Variants in GRK7 observed in about 807,000 individuals in gnomAD.
The protein encoded by GRK7 is rhodopsin kinase GRK7.
GRK7 carries 24 observed loss-of-function variants against 34.1 expected under a neutral mutation model. The ratio of observed to expected loss-of-function variants is 0.70; its 90% CI spans 0.51 to 0.99. The LOEUF (loss-of-function observed/expected upper bound fraction) is 0.99. Among genes scored for constraint, GRK7 ranks in the 50% least tolerant of loss-of-function variants. The probability of loss-of-function intolerance (pLI) is 0.00; values close to 1 mark genes in which losing one functional copy is unlikely to be tolerated. For synonymous variants in GRK7, 256 were observed against 279.4 expected (o/e 0.92, Z 0.84); for missense variants, 644 against 707.3 (o/e 0.91, Z 1.02).
chr3:141,793,912 C>G (rs151244242), intron 4 of GRK7, among the ~76,000 whole-genome samples: 56 of 152,302 alleles, frequency 3.7e-4, no homozygotes, highest in African/African-American at 1.2e-3. Flanking sequence ...CATACTTCCC[C>G]AGGCTCTGGG....
intron 1 of GRK7, among the ~76,000 whole-genome samples, chr3:141,768,741 G>C (rs2084602178): frequency 6.6e-6 from 1 of 151,980 alleles, no homozygotes; most frequent in African/African-American, 2.4e-5. Context: ...ATCCTCTCCA[G>C]TCAGGCTGAG....
chr3:141,788,475 T>A (rs762200008), intron 4 of GRK7, among the ~76,000 whole-genome samples: 1 of 152,088 alleles, frequency 6.6e-6, no homozygotes, highest in Non-Finnish European at 1.5e-5. Flanking sequence ...GATCCAGACC[T>A]TTACATGCTT....
chr3:141,786,063 C>G (rs1047352803), intron 4 of GRK7, among the ~76,000 whole-genome samples: 10 of 152,118 alleles, frequency 6.6e-5, no homozygotes, highest in Admixed American at 6.6e-4. Context: ...TCCACAGATA[C>G]CTGCTTATAG....
chr3:141,800,006 G>T (rs932998606), intron 4 of GRK7, among the ~76,000 whole-genome samples: 1 of 152,100 alleles, frequency 6.6e-6, no homozygotes, highest in Non-Finnish European at 1.5e-5. Context: ...GAGCAAGCTC[G>T]CAATAAATGT....
upstream of GRK7, among the ~76,000 whole-genome samples, chr3:141,760,684 C>G (rs978765387): frequency 6.7e-6 from 1 of 150,372 alleles, no homozygotes; most frequent in African/African-American, 2.5e-5. Context: ...GACTTTCTGT[C>G]TCGTTGATCT....
chr3:141,790,096 G>A (rs149468606), intron 4 of GRK7, among the ~76,000 whole-genome samples: 2,745 of 152,262 alleles, frequency 0.018, 87 homozygotes, highest in African/African-American at 0.062. Context: ...CCGTCTCCCA[G>A]GTTCAAGTGA....
At chr3:141,814,903 GGTTGGTTT>G (rs1711134597) in intron 5 of GRK7, among the ~76,000 whole-genome samples, 1 of 148,438 alleles carries the variant, frequency 6.7e-6, no homozygotes, top group Non-Finnish European at 1.5e-5. Flanking sequence ...TTGTTTGTTT[GGTTGGTTT>G]GTTGGTTGGT....
At position 141,817,160 on chromosome 3, in the gene GRK7, C is replaced by T; in HGVS notation, c.*110C>T. 1 of 776,050 alleles carries T rather than the reference C, an allele frequency of 1.3e-6. No individual in the cohort carries two copies. The highest frequency in any genetic ancestry group is 1.9e-5 in the South Asian group (1 of 52,594). 48.1% of individuals were successfully genotyped at this position (776,050 alleles called of 1,614,324 possible). A position where few individuals can be genotyped will look rare whatever the true frequency, so the allele number is the denominator to read the frequency against. On this transcript the variant is annotated 3_prime_UTR_variant, in exon 6 of 6. Coordinates refer to ENST00000682958, the MANE Select transcript of GRK7 (RefSeq NM_139209.3). ...GGCTAATCAGTTAGGAGGGACATCACAACCACAAAACAATTCAAAAGACAG... is the reference window on the plus strand; with the variant it reads ...GGCTAATCAGTTAGGAGGGACATCATAACCACAAAACAATTCAAAAGACAG...
intron 1 of GRK7, among the ~76,000 whole-genome samples, chr3:141,769,847 A>G (rs1418527832): frequency 6.6e-6 from 1 of 152,194 alleles, no homozygotes; most frequent in Admixed American, 6.5e-5. Flanking sequence ...CAGCCCCTGT[A>G]TTACTCTCCT....
At chr3:141,753,232 T>A in the GRK7 span, among the ~76,000 whole-genome samples, 1 of 152,252 alleles carries the variant, frequency 6.6e-6, no homozygotes, top group African/African-American at 2.4e-5. Context: ...TGTTCACATA[T>A]TTTGGTTTTT....
chr3:141,777,418 G>A lies in GRK7; in HGVS notation c.-113-754G>A, dbSNP rs1216642778. Among the ~76,000 whole-genome samples the A allele has an allele frequency of 8.3e-5, 11 of 133,156 alleles. No individual in the cohort carries two copies. The South Asian group carries it at 1.3e-3, about 15-fold the overall frequency. 87.4% of individuals were successfully genotyped at this position (133,156 alleles called of 152,430 possible). ...CGGCTCACTGCAAGCTCCGCCTCCC[G>A]GGTTCACGCCATTCTCCTGCCTCAG... On this transcript the variant is annotated intron_variant, in intron 2 of 5. Transcript: ENST00000682958.
At chr3:141,776,047 G>T (rs2084637149) in intron 2 of GRK7, among the ~76,000 whole-genome samples, 1 of 152,100 alleles carries the variant, frequency 6.6e-6, no homozygotes, top group East Asian at 1.9e-4. Context: ...CACTTTGGGA[G>T]GCCGAGACGG....
At chr3:141,776,919 GGTT>G (rs1231061687) in intron 2 of GRK7, among the ~76,000 whole-genome samples, 4 of 152,164 alleles carry the variant, frequency 2.6e-5, no homozygotes, top group African/African-American at 4.8e-5. Flanking sequence ...GTGGGGCACA[GGTT>G]GTTATTTTTG....
intron 4 of GRK7, among the ~76,000 whole-genome samples, chr3:141,797,771 C>T (rs1335357471): frequency 6.6e-6 from 1 of 152,100 alleles, no homozygotes; most frequent in Non-Finnish European, 1.5e-5. Context: ...CAGCCTGGCC[C>T]GGCCACCCCA....
At chr3:141,796,881 A>G (rs1479080589) in intron 4 of GRK7, among the ~76,000 whole-genome samples, 2 of 152,124 alleles carry the variant, frequency 1.3e-5, no homozygotes, top group Non-Finnish European at 2.9e-5. Context: ...GCATGGTAAC[A>G]ACAGCCGCTA....
intron 3 of GRK7, among the ~76,000 whole-genome samples, 158 bp downstream of exon 3, chr3:141,779,054 G>C (rs1214162104): frequency 6.6e-6 from 1 of 152,116 alleles, no homozygotes; most frequent in Non-Finnish European, 1.5e-5. Context: ...TTCTTTGTGT[G>C]TGCCATGGTG....
intron 1 of GRK7, among the ~76,000 whole-genome samples, chr3:141,767,861 C>A (rs988769486): frequency 6.6e-6 from 1 of 152,118 alleles, no homozygotes; most frequent in South Asian, 2.1e-4. Context: ...CTATGAGACC[C>A]TAAGTTCCTA....
chr3:141,785,125 G>A (rs566302539), intron 4 of GRK7, among the ~76,000 whole-genome samples: 1 of 152,310 alleles, frequency 6.6e-6, no homozygotes, highest in African/African-American at 2.4e-5. Context: ...AGACAGAAGA[G>A]GTAACAAGGA....
At chr3:141,797,843 A>C (rs1458992081) in intron 4 of GRK7, among the ~76,000 whole-genome samples, 1 of 152,084 alleles carries the variant, frequency 6.6e-6, no homozygotes, top group African/African-American at 2.4e-5. Context: ...TTCAGATTTA[A>C]TGGGAGGTGG....
Sources: gnomAD v4.1 joint callset for allele counts (sites outside exome capture counted in the v4.1 genomes callset) on GRCh38, gnomAD v4.1.1 for gene constraint, MANE v1.5 for transcripts, NCBI Gene and HGNC (gene_info 2026-07-23, HGNC 2026-07-21) for gene names.